Variants in TASP1 observed in about 807,000 individuals in gnomAD.
TASP1 encodes threonine aspartase 1.
TASP1 carries 16 observed loss-of-function variants against 56.6 expected under a neutral mutation model. The observed-to-expected ratio is 0.28, with a 90% CI of 0.19 to 0.43. The LOEUF is 0.43. Ranked by LOEUF, TASP1 falls within the 20% of genes least tolerant of loss-of-function variation. TASP1 has a pLI of 1.00. For synonymous variants in TASP1, 179 were observed against 184.2 expected (o/e 0.97, Z 0.23); for missense variants, 393 against 511.6 (o/e 0.77, Z 2.24).
At chr20:13,333,293 C>T in the TASP1 span, among the ~76,000 whole-genome samples, 1 of 152,164 alleles carries the variant, frequency 6.6e-6, no homozygotes, top group Non-Finnish European at 1.5e-5. Flanking sequence ...TCAAGTGTGA[C>T]ATTTTGAGAT....
intron 11 of TASP1, among the ~76,000 whole-genome samples, chr20:13,445,011 G>A (rs536583611): frequency 6.6e-6 from 1 of 152,298 alleles, no homozygotes; most frequent in African/African-American, 2.4e-5. Flanking sequence ...GAGTTGAATT[G>A]AAAACAGAGT....
chr20:13,552,675 G>A (rs2046019403), intron 8 of TASP1, among the ~76,000 whole-genome samples: 1 of 152,156 alleles, frequency 6.6e-6, no homozygotes, highest in Non-Finnish European at 1.5e-5. Context: ...AATGTTGAAA[G>A]CTGATCCAAA....
chr20:13,394,672 C>A (rs1453008170), intron 13 of TASP1, among the ~76,000 whole-genome samples: 1 of 151,690 alleles, frequency 6.6e-6, no homozygotes, highest in Non-Finnish European at 1.5e-5. Flanking sequence ...TTTCCACTTT[C>A]CAGTTGATGG....
At chr20:13,634,888 C>A (rs1225931040) in intron 1 of TASP1, among the ~76,000 whole-genome samples, 2 of 148,630 alleles carry the variant, frequency 1.3e-5, no homozygotes, top group Non-Finnish European at 1.5e-5. Flanking sequence ...AATAGCTAGG[C>A]GTGGTGGCGC....
chr20:13,485,799 T>A (rs188326290), intron 10 of TASP1, among the ~76,000 whole-genome samples: 1 of 152,328 alleles, frequency 6.6e-6, no homozygotes, highest in Non-Finnish European at 1.5e-5. Context: ...ATACTTGATG[T>A]TGAACAGTGA....
At chr20:13,498,534 T>C (rs911863296) in intron 10 of TASP1, among the ~76,000 whole-genome samples, 3 of 152,068 alleles carry the variant, frequency 2.0e-5, no homozygotes, top group African/African-American at 7.2e-5. Context: ...AATTTTTGTA[T>C]TTTTAGTAGA....
chr20:13,307,902 G>A, the TASP1 span, among the ~76,000 whole-genome samples: 1 of 152,192 alleles, frequency 6.6e-6, no homozygotes, highest in East Asian at 1.9e-4. Context: ...AGTCCAGGGT[G>A]TGCTTTTGGG....
At chr20:13,590,860 T>G (rs1002117979) in intron 4 of TASP1, among the ~76,000 whole-genome samples, 3 of 151,510 alleles carry the variant, frequency 2.0e-5, no homozygotes, top group Non-Finnish European at 2.9e-5. Flanking sequence ...AGCAACACAC[T>G]GTCTCAAAAA....
chr20:13,517,966 C>T (rs549621107), intron 10 of TASP1, among the ~76,000 whole-genome samples: 1 of 152,074 alleles, frequency 6.6e-6, no homozygotes, highest in South Asian at 2.1e-4. Context: ...TTATTTTTCC[C>T]ACCCCCAACA....
the TASP1 span, among the ~76,000 whole-genome samples, chr20:13,174,920 T>G: frequency 3.9e-5 from 6 of 152,202 alleles, no homozygotes; most frequent in South Asian, 1.2e-3. Flanking sequence ...ATGGTTCTCA[T>G]AGTAGTGAAT....
At chr20:13,124,752 T>C in the TASP1 span, among the ~76,000 whole-genome samples, 1 of 152,152 alleles carries the variant, frequency 6.6e-6, no homozygotes, top group African/African-American at 2.4e-5. Context: ...TTGAAAATGC[T>C]TGTGAGCAAC....
chr20:13,447,514 A>C (rs1284015244), intron 11 of TASP1, among the ~76,000 whole-genome samples: 1 of 152,086 alleles, frequency 6.6e-6, no homozygotes, highest in Non-Finnish European at 1.5e-5. Context: ...GAGCTTATTA[A>C]AGGGCAGACT....
chr20:13,489,217 G>C (rs149234366), intron 10 of TASP1, among the ~76,000 whole-genome samples: 3 of 152,072 alleles, frequency 2.0e-5, no homozygotes, highest in Non-Finnish European at 2.9e-5. Context: ...CCACAAGAAC[G>C]AGGCCACCCT....
At chr20:13,219,599 C>A in the TASP1 span, among the ~76,000 whole-genome samples, 1 of 149,612 alleles carries the variant, frequency 6.7e-6, no homozygotes, top group Admixed American at 6.6e-5. Context: ...GTTCCCCACC[C>A]AAAAAAAAAT....
At chr20:13,542,658 A>G (rs995684438) in intron 8 of TASP1, among the ~76,000 whole-genome samples, 1 of 152,212 alleles carries the variant, frequency 6.6e-6, no homozygotes, top group Non-Finnish European at 1.5e-5. Flanking sequence ...TCTGACTATA[A>G]TACAATTAAC....
the TASP1 span, among the ~76,000 whole-genome samples, chr20:13,190,392 C>T: frequency 6.6e-6 from 1 of 152,168 alleles, no homozygotes; most frequent in African/African-American, 2.4e-5. Flanking sequence ...ACACATAGAC[C>T]AATGGAACCA....
chr20:13,290,652 C>T, the TASP1 span, among the ~76,000 whole-genome samples: 6 of 151,544 alleles, frequency 4.0e-5, no homozygotes, highest in South Asian at 2.1e-4. Flanking sequence ...AGCAAGACTC[C>T]GTCTCAAAAC....
At chr20:13,181,719 A>G in the TASP1 span, among the ~76,000 whole-genome samples, 1 of 152,270 alleles carries the variant, frequency 6.6e-6, no homozygotes, top group African/African-American at 2.4e-5. Flanking sequence ...CCTAGATTAA[A>G]ACCCCAGCTC....
At chr20:13,404,741 T>C (rs2041854876) in intron 13 of TASP1, among the ~76,000 whole-genome samples, 1 of 152,176 alleles carries the variant, frequency 6.6e-6, no homozygotes, top group Admixed American at 6.5e-5. Context: ...TTCAAAATGA[T>C]TAAGAATAAA....
Sources: gnomAD v4.1 joint callset for allele counts (sites outside exome capture counted in the v4.1 genomes callset) on GRCh38, gnomAD v4.1.1 for gene constraint, MANE v1.5 for transcripts, NCBI Gene and HGNC (gene_info 2026-07-23, HGNC 2026-07-21) for gene names.